The following LUZP2 variants were observed in gnomAD, a reference collection of about 807,000 sequenced individuals.
LUZP2 encodes the protein leucine zipper protein 2.
In LUZP2, 52 loss-of-function variants were observed where a neutral mutation model predicts 51.6. The ratio of observed to expected loss-of-function variants is 1.01; its 90% CI spans 0.81 to 1.27. The LOEUF is 1.27. LUZP2 is among the 50% of genes most tolerant of loss of function. The pLI is 0.00. For synonymous variants in LUZP2, 154 were observed against 137.3 expected, an observed-to-expected ratio of 1.12 and a Z score of -0.85; for missense variants, 436 against 395.4, an observed-to-expected ratio of 1.10 and a Z score of -0.87.
chr11:24,910,924 G>T (rs1000699948), intron 6 of LUZP2, among the ~76,000 whole-genome samples: 1 of 152,152 alleles, frequency 6.6e-6, no homozygotes, highest in South Asian at 2.1e-4. Flanking sequence ...GCAGCCAGGA[G>T]GGGGGCTGTA....
chr11:24,650,641 AG>A (rs978078116), intron 1 of LUZP2, among the ~76,000 whole-genome samples: 4 of 152,078 alleles, frequency 2.6e-5, no homozygotes, highest in Non-Finnish European at 5.9e-5. Context: ...TAGTGGTTTA[AG>A]AAATACTCAA....
At chr11:24,912,110 C>A (rs1853652832) in intron 6 of LUZP2, among the ~76,000 whole-genome samples, 1 of 151,532 alleles carries the variant, frequency 6.6e-6, no homozygotes, top group South Asian at 2.1e-4. Flanking sequence ...CTTTCTTTTC[C>A]TTTCGTTTCC....
chr11:24,616,215 A>G (rs1200440614), intron 1 of LUZP2, among the ~76,000 whole-genome samples: 1 of 152,036 alleles, frequency 6.6e-6, no homozygotes, highest in Non-Finnish European at 1.5e-5. Context: ...ATGAAAGAGA[A>G]CTTACCATTT....
At chr11:24,654,111 C>G (rs1192795552) in intron 1 of LUZP2, among the ~76,000 whole-genome samples, 1 of 152,042 alleles carries the variant, frequency 6.6e-6, no homozygotes, top group Admixed American at 6.5e-5. Flanking sequence ...GATATACATA[C>G]AAAGAGGTCA....
intron 1 of LUZP2, among the ~76,000 whole-genome samples, chr11:24,654,451 C>G (rs980810608): frequency 2.6e-5 from 4 of 151,948 alleles, no homozygotes; most frequent in East Asian, 1.9e-4. Context: ...GGGTCTCACT[C>G]TCTGCCCAAA....
intron 1 of LUZP2, among the ~76,000 whole-genome samples, chr11:24,642,425 C>A (rs574175110): frequency 6.6e-6 from 1 of 151,706 alleles, no homozygotes; most frequent in Admixed American, 6.6e-5. Flanking sequence ...TATCATGTCC[C>A]CCAAAATTAT....
intron 1 of LUZP2, among the ~76,000 whole-genome samples, chr11:24,716,326 AC>A (rs1858041267): frequency 6.6e-6 from 1 of 152,214 alleles, no homozygotes; most frequent in South Asian, 2.1e-4. Flanking sequence ...AAGGCGTTCA[AC>A]ATACTCTTGG....
intron 7 of LUZP2, among the ~76,000 whole-genome samples, chr11:24,932,042 C>A (rs190830255): frequency 5.1e-4 from 78 of 152,214 alleles, no homozygotes; most frequent in African/African-American, 1.9e-3. Flanking sequence ...GTCTAGCCAC[C>A]CACCAGAGCT....
intron 9 of LUZP2, among the ~76,000 whole-genome samples, chr11:24,983,913 A>T (rs1856115531): frequency 6.6e-6 from 1 of 151,516 alleles, no homozygotes; most frequent in Non-Finnish European, 1.5e-5. Context: ...TCATTTGAGC[A>T]AATCTTCCTC....
chr11:24,822,579 G>C (rs1293979417), intron 5 of LUZP2, among the ~76,000 whole-genome samples: 1 of 151,968 alleles, frequency 6.6e-6, no homozygotes, highest in Non-Finnish European at 1.5e-5. Flanking sequence ...TGTTCTTTTA[G>C]GGTCCTAAAT....
intron 1 of LUZP2, among the ~76,000 whole-genome samples, chr11:24,584,924 G>A (rs1221900472): frequency 6.6e-6 from 1 of 152,184 alleles, no homozygotes; most frequent in Non-Finnish European, 1.5e-5. Flanking sequence ...AATGAGCTAA[G>A]CACTTGTGTG....
At chr11:24,774,523 GTAGAATATATATA>G (rs1565131536) in intron 5 of LUZP2, among the ~76,000 whole-genome samples, 2 of 88,672 alleles carry the variant, frequency 2.3e-5, no homozygotes, top group African/African-American at 1.1e-4. Context: ...CTATATATAT[GTAGAATATATATA>G]AAGAATATAT....
At chr11:25,033,727 C>T (rs1857769725) in intron 9 of LUZP2, among the ~76,000 whole-genome samples, 2 of 152,234 alleles carry the variant, frequency 1.3e-5, no homozygotes, top group East Asian at 3.9e-4. Flanking sequence ...CCTCCAACTC[C>T]ACCTATGTTG....
intron 1 of LUZP2, among the ~76,000 whole-genome samples, chr11:24,652,117 TG>T (rs1855645982): frequency 6.6e-6 from 1 of 151,852 alleles, no homozygotes; most frequent in Non-Finnish European, 1.5e-5. Flanking sequence ...TGTGTTTGTG[TG>T]TGTGTGTGTG....
intron 5 of LUZP2, among the ~76,000 whole-genome samples, chr11:24,897,947 C>T (rs898450424): frequency 6.6e-6 from 1 of 151,760 alleles, no homozygotes; most frequent in African/African-American, 2.4e-5. Flanking sequence ...GTGAAATTTG[C>T]AATTCAGAAA....
intron 1 of LUZP2, among the ~76,000 whole-genome samples, chr11:24,540,765 C>T (rs996737439): frequency 4.6e-5 from 7 of 152,066 alleles, no homozygotes; most frequent in African/African-American, 1.7e-4. Flanking sequence ...TATTCAGCCA[C>T]CAGCAGTATC....
intron 4 of LUZP2, among the ~76,000 whole-genome samples, chr11:24,755,206 ATTTTAG>A (rs1859731172): frequency 6.6e-6 from 1 of 152,062 alleles, no homozygotes; most frequent in Non-Finnish European, 1.5e-5. Context: ...TTCACTATCC[ATTTTAG>A]TAAAGGTACC....
At chr11:25,029,508 A>C (rs558104905) in intron 9 of LUZP2, among the ~76,000 whole-genome samples, 1 of 152,230 alleles carries the variant, frequency 6.6e-6, no homozygotes, top group Admixed American at 6.5e-5. Context: ...GAGGCAAGGC[A>C]GGCAGATTAC....
rs190234686 is a variant in LUZP2 at position 25,036,018 on chromosome 11, T to G, written c.766-14020T>G. On this transcript the variant is annotated intron_variant, in intron 9 of 11. Coordinates refer to ENST00000336930, the MANE Select transcript of LUZP2 (RefSeq NM_001009909.4). ...GATGGAGGCCCTCCTCCCCAGCTTT[T>G]TGGAATAGTTTCAGTAAGATTGGTA... Among the ~76,000 whole-genome samples, 896 of 152,176 alleles carry G rather than the reference T, an allele frequency of 5.9e-3. 6 individuals are homozygous for G. Among genetic ancestry groups the G allele is most frequent in the African/African-American group, 0.021 (865 of 41,562 alleles).
Sources: allele counts gnomAD v4.1 joint callset (sites outside exome capture counted in the v4.1 genomes callset), GRCh38; gene constraint gnomAD v4.1.1; transcripts MANE v1.5; gene names NCBI Gene and HGNC (gene_info 2026-07-23, HGNC 2026-07-21).